The following RSPO1 variants were observed in gnomAD, a reference collection of about 807,000 sequenced individuals.
RSPO1 encodes the protein R-spondin 1.
Under a neutral mutation model 26.0 loss-of-function variants are expected in RSPO1, and 18 were observed. The ratio of observed to expected loss-of-function variants is 0.69; its 90% CI spans 0.48 to 1.03. RSPO1 has a LOEUF of 1.03. RSPO1 is among the 50% of genes least tolerant of loss of function. The probability of loss-of-function intolerance (pLI) is 0.00; values close to 1 mark genes in which losing one functional copy is unlikely to be tolerated. For missense variants in RSPO1, 309 were observed against 352.3 expected, an observed-to-expected ratio of 0.88 and a Z score of 0.98; for synonymous variants, 133 against 137.4, an observed-to-expected ratio of 0.97 and a Z score of 0.22.
intron 4 of RSPO1, among the ~76,000 whole-genome samples, chr1:37,615,932 G>A (rs1424248423): frequency 6.6e-6 from 1 of 152,202 alleles, no homozygotes; most frequent in Non-Finnish European, 1.5e-5. Flanking sequence ...TCTCAGAAAT[G>A]TGATGGGATA....
Position 37,613,580 on chromosome 1 carries a change from G to A in RSPO1, c.625+124C>T, listed in dbSNP as rs1054744715. The stretch of plus-strand genomic sequence containing the variant: ...TGGACAGCATGAGGTCTTGAGTTGC[G>A]GGTGCCCCATCTGGCCTTGCCCTGA... On this transcript the variant is annotated intron_variant, in intron 6 of 6. Coordinates refer to ENST00000356545, the MANE Select transcript of RSPO1 (RefSeq NM_001242908.2). This position sits in a 1 kb window ranked among gnomAD's most constrained non-coding sequence, Gnocchi z 4.5. 72 of 763,466 alleles carry A rather than the reference G, an allele frequency of 9.4e-5. No homozygotes were observed. The highest frequency in any genetic ancestry group is 7.5e-4 in the South Asian group (51 of 68,408). The allele number at this position is 763,466 out of a possible 1,614,324, so 47.3% of individuals were successfully genotyped here.
chr1:37,623,934 G>A (rs1352080017), intron 3 of RSPO1, among the ~76,000 whole-genome samples: 1 of 151,382 alleles, frequency 6.6e-6, no homozygotes. Context: ...TGATTTTTTT[G>A]TATCTTTAGT....
In RSPO1 at chr1:37,613,587, C is replaced by G; in HGVS notation, c.625+117G>C. 1 of 828,086 alleles carries G rather than the reference C, an allele frequency of 1.2e-6. No homozygotes were observed. Among genetic ancestry groups the G allele is most frequent in the South Asian group, 1.4e-5 (1 of 70,174 alleles). 51.3% of individuals were successfully genotyped at this position (828,086 alleles called of 1,614,324 possible). A position where few individuals can be genotyped will look rare whatever the true frequency, so the allele number is the denominator to read the frequency against. On this transcript the variant is annotated intron_variant, in intron 6 of 6. Coordinates refer to ENST00000356545, the MANE Select transcript of RSPO1 (RefSeq NM_001242908.2). The surrounding 1 kb of genome is among the most constrained non-coding windows in gnomAD (Gnocchi z 4.5). ...CATGAGGTCTTGAGTTGCGGGTGCC[C>G]CATCTGGCCTTGCCCTGAAGCTTCT...
At chr1:37,614,076 G>T in intron 5 of RSPO1, 108 bp downstream of exon 5, 1 of 1,379,740 alleles carries the variant, frequency 7.2e-7, no homozygotes, top group Non-Finnish European at 1.0e-6. Context: ...GGTAGGGTAA[G>T]CTCTCCCTGC....
intron 3 of RSPO1, 152 bp from the exon 4 acceptor site, chr1:37,616,827 CAAG>C (rs1644121558): frequency 1.3e-6 from 1 of 758,640 alleles, no homozygotes; most frequent in Non-Finnish European, 2.3e-6. Context: ...CAGCTCTCTG[CAAG>C]GCTGCTTTAT....
intron 3 of RSPO1, among the ~76,000 whole-genome samples, chr1:37,618,702 G>A (rs1644154805): frequency 6.6e-6 from 1 of 152,192 alleles, no homozygotes; most frequent in Non-Finnish European, 1.5e-5. Context: ...AGAGGCATGG[G>A]GAGGAGCCTG....
Position 37,629,748 on chromosome 1 carries a change from C to G in RSPO1, c.-87G>C, listed in dbSNP as rs908014902. The G allele has an allele frequency of 3.8e-6, 6 of 1,570,916 alleles. No homozygotes were observed. The African/African-American group carries it at 8.2e-5, about 21-fold the overall frequency. On this transcript the variant is annotated 5_prime_UTR_variant, in exon 3 of 7. Transcript: ENST00000356545. The stretch of plus-strand genomic sequence containing the variant: ...ACGGCTCTTGCTAACACCTCTGGGG[C>G]TGGGTCAGCAGCAGGAGGCCCAGGC...
chr1:37,624,384 G>A (rs1014487159), intron 3 of RSPO1, among the ~76,000 whole-genome samples: 1 of 152,124 alleles, frequency 6.6e-6, no homozygotes, highest in Non-Finnish European at 1.5e-5. Flanking sequence ...TGGACTCAGC[G>A]AGGGCAAGGG....
chr1:37,628,659 G>A (rs982706475), intron 3 of RSPO1, among the ~76,000 whole-genome samples: 2 of 152,200 alleles, frequency 1.3e-5, no homozygotes, highest in African/African-American at 2.4e-5. Flanking sequence ...CAGCACTGGG[G>A]CCCCATCACT....
chr1:37,632,306 A>G lies in RSPO1; in HGVS notation c.-308T>C, dbSNP rs556300941. On this transcript the variant is annotated 5_prime_UTR_variant, in exon 2 of 7. Transcript: ENST00000356545. ...ACTCACCCAGTCCTTGCCAGCGGTGATCTTCTGGCCCACTCCCACCTGAAT... is the reference window on the plus strand; with the variant it reads ...ACTCACCCAGTCCTTGCCAGCGGTGGTCTTCTGGCCCACTCCCACCTGAAT... 6.6e-5 allele frequency: 10 copies of G among 152,322 alleles called. 1 individual carries two copies. In the East Asian group the frequency reaches 1.9e-3, roughly 29 times the overall value. The allele number at this position is 152,322 out of a possible 1,614,324, so 9.4% of individuals were successfully genotyped here. A position where few individuals can be genotyped will look rare whatever the true frequency, so the allele number is the denominator to read the frequency against.
chr1:37,625,056 T>G lies in RSPO1; in HGVS notation c.94+4512A>C, dbSNP rs114696615. Among the ~76,000 whole-genome samples the G allele has an allele frequency of 5.1e-3, 779 of 152,378 alleles. 8 individuals carry two copies. The highest frequency in any genetic ancestry group is 0.018 in the African/African-American group (749 of 41,594). Reference sequence around the variant, plus strand: ...AGTCACCTCCTCCAGGAAGTCTTCCTGATCTCACCTCCCTGCAAAGTCTCA... The same window carrying G: ...AGTCACCTCCTCCAGGAAGTCTTCCGGATCTCACCTCCCTGCAAAGTCTCA... On this transcript the variant is annotated intron_variant, in intron 3 of 6. Transcript: ENST00000356545.
chr1:37,627,747 G>T (rs1644300552), intron 3 of RSPO1, among the ~76,000 whole-genome samples: 1 of 152,110 alleles, frequency 6.6e-6, no homozygotes, highest in African/African-American at 2.4e-5. Context: ...CCTATACATT[G>T]CATTTCAGCT....
chr1:37,618,751 C>T (rs549146178), intron 3 of RSPO1, among the ~76,000 whole-genome samples: 3 of 151,976 alleles, frequency 2.0e-5, no homozygotes, highest in Non-Finnish European at 4.4e-5. Flanking sequence ...TGTGGGTGAG[C>T]TGTGGGGCCA....
chr1:37,616,773 T>C lies in RSPO1; in HGVS notation c.95-98A>G, dbSNP rs1644120188. ...GGAAGTGAATAGATCGATGTTTCCT[T>C]CCACAGAAGGAATATGCTTCTCAGA... is the stretch of plus-strand genomic sequence containing the variant. On this transcript the variant is annotated intron_variant, in intron 3 of 6. Coordinates refer to ENST00000356545, the MANE Select transcript of RSPO1 (RefSeq NM_001242908.2). The C allele has an allele frequency of 2.6e-6, 3 of 1,153,598 alleles. No homozygotes were observed. In the Admixed American group the frequency reaches 5.4e-5, roughly 21 times the overall value. 71.5% of individuals were successfully genotyped at this position (1,153,598 alleles called of 1,614,324 possible). A position where few individuals can be genotyped will look rare whatever the true frequency, so the allele number is the denominator to read the frequency against.
At chr1:37,624,457 A>G (rs895391056) in intron 3 of RSPO1, among the ~76,000 whole-genome samples, 1 of 121,020 alleles carries the variant, frequency 8.3e-6, no homozygotes, top group African/African-American at 3.2e-5. Flanking sequence ...TGCCCTCCCC[A>G]CAAACCACCA....
chr1:37,633,265 G>C (rs547422989), intron 1 of RSPO1, among the ~76,000 whole-genome samples: 1 of 152,250 alleles, frequency 6.6e-6, no homozygotes, highest in African/African-American at 2.4e-5. Context: ...GGGGAGGGCG[G>C]GGCAACCCGC....
At chr1:37,623,228 G>C (rs1644228671) in intron 3 of RSPO1, among the ~76,000 whole-genome samples, 1 of 145,786 alleles carries the variant, frequency 6.9e-6, no homozygotes, top group Non-Finnish European at 1.5e-5. Context: ...GCAGTGAGGG[G>C]ATGGGGGGAG....
chr1:37,616,399 T>G, intron 4 of RSPO1, 85 bp downstream of exon 4: 1 of 1,341,276 alleles, frequency 7.5e-7, no homozygotes, highest in South Asian at 1.2e-5. Context: ...CTGCTCCTCT[T>G]GCCAGCCACC....
At chr1:37,618,736 T>TG (rs1644155179) in intron 3 of RSPO1, among the ~76,000 whole-genome samples, 1 of 151,912 alleles carries the variant, frequency 6.6e-6, no homozygotes, top group Admixed American at 6.6e-5. Flanking sequence ...ATGTTTGGCC[T>TG]GGGGTGTGGG....
Sources: allele counts gnomAD v4.1 joint callset (sites outside exome capture counted in the v4.1 genomes callset), GRCh38; gene constraint gnomAD v4.1.1; non-coding constraint Gnocchi (gnomAD v3.1); transcripts MANE v1.5; gene names NCBI Gene and HGNC (gene_info 2026-07-23, HGNC 2026-07-21).